SH3RF2: variants seen among roughly 807,000 people sequenced by gnomAD.
The protein encoded by SH3RF2 is SH3 domain containing ring finger 2.
A neutral mutation model predicts 59.0 loss-of-function variants in SH3RF2; 43 were observed. The ratio of observed to expected loss-of-function variants is 0.73; its 90% CI spans 0.57 to 0.94. SH3RF2 has a LOEUF of 0.94. SH3RF2 is among the 40% of genes least tolerant of loss of function. The pLI is 0.00. For synonymous variants in SH3RF2, 391 were observed against 391.5 expected (o/e 1.00, Z 0.01); for missense variants, 930 against 940.1 (o/e 0.99, Z 0.14).
In SH3RF2 at chr5:145,970,404, A is replaced by G. The variant is rs111622845; in HGVS notation, c.379-29654A>G. 6.6e-5 allele frequency among the ~76,000 whole-genome samples: 10 copies of G among 152,358 alleles called. 1 individual carries two copies. The highest frequency in any genetic ancestry group is 2.2e-4 in the African/African-American group (9 of 41,590). ...TTTCCATTCCTGAGTTACTTCACTT[A>G]GAATCAGGGTCTCCAACTCCATCCA... On this transcript the variant is annotated intron_variant, in intron 2 of 9. Transcript: ENST00000359120.
At chr5:146,073,532 A>AC (rs1188380212) in intron 9 of SH3RF2, among the ~76,000 whole-genome samples, 1 of 151,634 alleles carries the variant, frequency 6.6e-6, no homozygotes, top group Non-Finnish European at 1.5e-5. Context: ...TGCTGATTAA[A>AC]CCCCCGCTGG....
Position 145,998,281 on chromosome 5 carries a change from T to TA in SH3RF2, c.379-1760dup, listed in dbSNP as rs35018423. On this transcript the variant is annotated intron_variant, in intron 2 of 9. Coordinates refer to ENST00000359120, the MANE Select transcript of SH3RF2 (RefSeq NM_152550.4). ...TTAATGAGCTTTAGGGGCCCATAGT[T>TA]AAAAAAAAAAAAAAAAAGACATGAA... Among the ~76,000 whole-genome samples the TA allele has an allele frequency of 6.5e-3, 914 of 140,352 alleles. 11 individuals carry two copies. The highest frequency in any genetic ancestry group is 0.02 in the African/African-American group (772 of 37,758). 92.1% of individuals were successfully genotyped at this position (140,352 alleles called of 152,430 possible).
intron 8 of SH3RF2, among the ~76,000 whole-genome samples, chr5:146,058,046 T>C (rs1762746835): frequency 6.6e-6 from 1 of 151,962 alleles, no homozygotes. Context: ...ACCACTTAGG[T>C]ATGCAGAGTT....
chr5:145,961,568 T>C (rs530683355), intron 2 of SH3RF2, among the ~76,000 whole-genome samples: 1 of 152,342 alleles, frequency 6.6e-6, no homozygotes, highest in South Asian at 2.1e-4. Context: ...AAAGGATTGA[T>C]CTGAAAAACA....
At chr5:146,056,797 G>T (rs1342438329) in intron 8 of SH3RF2, among the ~76,000 whole-genome samples, 3 of 152,120 alleles carry the variant, frequency 2.0e-5, no homozygotes, top group Non-Finnish European at 4.4e-5. Context: ...TAGACAGATG[G>T]AAACACACAC....
chr5:146,009,252 T>C (rs1339586957), intron 4 of SH3RF2, among the ~76,000 whole-genome samples: 1 of 152,202 alleles, frequency 6.6e-6, no homozygotes, highest in African/African-American at 2.4e-5. Flanking sequence ...TTATCACTCC[T>C]CTACCTAAGT....
chr5:145,970,848 G>A (rs1759053810), intron 2 of SH3RF2, among the ~76,000 whole-genome samples: 1 of 152,082 alleles, frequency 6.6e-6, no homozygotes, highest in Admixed American at 6.6e-5. Flanking sequence ...TATATCAGAA[G>A]AGGTTCTGAT....
intron 5 of SH3RF2, among the ~76,000 whole-genome samples, chr5:146,026,885 C>G (rs1351717534): frequency 6.6e-6 from 1 of 152,140 alleles, no homozygotes; most frequent in Non-Finnish European, 1.5e-5. Context: ...TAAAACAAGG[C>G]AATGCTTATA....
intron 5 of SH3RF2, among the ~76,000 whole-genome samples, chr5:146,027,428 C>G (rs1055424573): frequency 2.6e-5 from 4 of 152,184 alleles, no homozygotes; most frequent in Non-Finnish European, 5.9e-5. Context: ...CACAGCCTGT[C>G]AGTGAACCAG....
chr5:146,021,878 G>A (rs942927044), intron 5 of SH3RF2, among the ~76,000 whole-genome samples: 2 of 152,172 alleles, frequency 1.3e-5, no homozygotes, highest in Non-Finnish European at 2.9e-5. Context: ...ACCAAAAAAT[G>A]AGAATTAACC....
At chr5:145,946,688 G>T (rs1184114935) in intron 2 of SH3RF2, among the ~76,000 whole-genome samples, 1 of 152,174 alleles carries the variant, frequency 6.6e-6, no homozygotes, top group African/African-American at 2.4e-5. Flanking sequence ...AAGATAGGCA[G>T]TGCCACTCTG....
At chr5:146,055,621 G>A (rs1466810039) in intron 7 of SH3RF2, among the ~76,000 whole-genome samples, 2 of 152,168 alleles carry the variant, frequency 1.3e-5, no homozygotes, top group South Asian at 2.1e-4. Flanking sequence ...ACTGTAAAAC[G>A]AAATAAACAC....
chr5:146,019,481 A>G (rs1397105399), intron 5 of SH3RF2, among the ~76,000 whole-genome samples: 1 of 152,150 alleles, frequency 6.6e-6, no homozygotes, highest in Non-Finnish European at 1.5e-5. Context: ...GCCTACTTTT[A>G]TACCAGTACC....
At chr5:146,008,454 A>G (rs527727451) in intron 4 of SH3RF2, among the ~76,000 whole-genome samples, 2 of 152,282 alleles carry the variant, frequency 1.3e-5, no homozygotes, top group South Asian at 4.1e-4. Flanking sequence ...TTCAGAGTGT[A>G]TATTGCCCTT....
chr5:146,073,560 T>C (rs1763279301), intron 9 of SH3RF2, among the ~76,000 whole-genome samples: 2 of 152,358 alleles, frequency 1.3e-5, no homozygotes, highest in South Asian at 4.1e-4. Flanking sequence ...TTATGACCTA[T>C]GGGCTCCAGG....
At chr5:146,050,496 G>C (rs922759749) in intron 7 of SH3RF2, among the ~76,000 whole-genome samples, 20 of 152,202 alleles carry the variant, frequency 1.3e-4, no homozygotes, top group Non-Finnish European at 2.8e-4. Context: ...CAGGATAAAA[G>C]ATCATAGCTT....
intron 2 of SH3RF2, among the ~76,000 whole-genome samples, chr5:145,966,389 G>T (rs1054445025): frequency 2.0e-5 from 3 of 152,276 alleles, no homozygotes; most frequent in East Asian, 1.9e-4. Context: ...ACATCCTGGG[G>T]TTGTGAGAAT....
chr5:146,062,730 A>T lies in SH3RF2; in HGVS notation c.*29A>T, dbSNP rs1762947251. The T allele has an allele frequency of 6.3e-7, 1 of 1,597,620 alleles. No homozygotes were observed. The highest frequency in any genetic ancestry group is 8.5e-7 in the Non-Finnish European group (1 of 1,170,252). On this transcript the variant is annotated 3_prime_UTR_variant, in exon 10 of 10. Transcript: ENST00000359120. ...TACGGGTGGCTTTTCCTAGACCCCAAAGAGGTGAATTGCATTTAAATACAG... is the reference window on the plus strand; with the variant it reads ...TACGGGTGGCTTTTCCTAGACCCCATAGAGGTGAATTGCATTTAAATACAG...
At chr5:146,068,242 T>C (rs1763150493), downstream of SH3RF2, among the ~76,000 whole-genome samples, 1 of 152,304 alleles carries the variant, frequency 6.6e-6, no homozygotes, top group Non-Finnish European at 1.5e-5. Flanking sequence ...GGAGCAAGCA[T>C]CCATCCTCAT....
Sources: gnomAD v4.1 joint callset for allele counts (sites outside exome capture counted in the v4.1 genomes callset) on GRCh38, gnomAD v4.1.1 for gene constraint, MANE v1.5 for transcripts, NCBI Gene and HGNC (gene_info 2026-07-23, HGNC 2026-07-21) for gene names.